The following CSMD1 variants were observed in gnomAD, a reference collection of about 807,000 sequenced individuals.
The protein encoded by CSMD1 is CUB and Sushi multiple domains 1, also known as CUB and sushi domain-containing protein 1.
CSMD1 carries 213 observed loss-of-function variants against 417.5 expected under a neutral mutation model. That is an observed-to-expected ratio of 0.51 (90% CI 0.46 to 0.57). CSMD1 has a LOEUF of 0.57. Among genes scored for constraint, CSMD1 ranks in the 20% least tolerant of loss-of-function variants. The pLI is 0.00. For missense variants in CSMD1, 6,923 were observed against 4,529.7 expected (o/e 1.53, Z -15.17); for synonymous variants, 2,862 against 1,736.8 (o/e 1.65, Z -16.11).
intron 3 of CSMD1, among the ~76,000 whole-genome samples, chr8:4,399,975 G>C (rs952360120): frequency 6.6e-6 from 1 of 152,132 alleles, no homozygotes; most frequent in East Asian, 1.9e-4. Context: ...ATTAGCACCA[G>C]GTTGATAAGC....
chr8:4,411,005 T>TAC (rs1796623519), intron 3 of CSMD1, among the ~76,000 whole-genome samples: 2 of 152,174 alleles, frequency 1.3e-5, no homozygotes, highest in Non-Finnish European at 2.9e-5. Flanking sequence ...CCCTGTGTCT[T>TAC]ACCTCTTTTG....
intron 3 of CSMD1, among the ~76,000 whole-genome samples, chr8:4,416,448 T>A (rs182371135): frequency 3.9e-5 from 6 of 152,092 alleles, no homozygotes; most frequent in African/African-American, 1.4e-4. Flanking sequence ...ACATTTGAAA[T>A]TATATTCATA....
At chr8:3,510,931 G>A (rs1208968222) in intron 10 of CSMD1, among the ~76,000 whole-genome samples, 2 of 151,668 alleles carry the variant, frequency 1.3e-5, no homozygotes, top group South Asian at 2.1e-4. Context: ...ACATGCACAC[G>A]TATGTTTACT....
intron 1 of CSMD1, among the ~76,000 whole-genome samples, chr8:4,780,952 C>A (rs1456927796): frequency 1.3e-5 from 2 of 152,198 alleles, no homozygotes; most frequent in South Asian, 2.1e-4. Flanking sequence ...AAGGCTCAAG[C>A]AATGACCTGT....
chr8:4,939,592 G>C (rs1414066093), intron 1 of CSMD1, among the ~76,000 whole-genome samples: 4 of 150,370 alleles, frequency 2.7e-5, no homozygotes, highest in African/African-American at 4.9e-5. Context: ...ATCTAAAATA[G>C]TTGAACTCAA....
intron 2 of CSMD1, among the ~76,000 whole-genome samples, chr8:4,499,404 T>C (rs946233061): frequency 6.6e-6 from 1 of 152,194 alleles, no homozygotes; most frequent in South Asian, 2.1e-4. Context: ...AGGTTCTTAT[T>C]ACTTTATTGA....
At chr8:4,402,610 T>C (rs1804717078) in intron 3 of CSMD1, among the ~76,000 whole-genome samples, 1 of 152,070 alleles carries the variant, frequency 6.6e-6, no homozygotes, top group Non-Finnish European at 1.5e-5. Context: ...ACATTACTGC[T>C]CCCCATTCTT....
chr8:4,197,577 G>A (rs1011409783), intron 3 of CSMD1, among the ~76,000 whole-genome samples: 4 of 152,206 alleles, frequency 2.6e-5, no homozygotes, highest in South Asian at 2.1e-4. Context: ...GAGAGCCCTG[G>A]CTAATAAAAA....
chr8:4,208,428 T>C (rs1355728864), intron 3 of CSMD1, among the ~76,000 whole-genome samples: 2 of 152,216 alleles, frequency 1.3e-5, no homozygotes, highest in Admixed American at 6.5e-5. Context: ...AACTCTATTA[T>C]GGTTTTTCAA....
At position 4,969,670 on chromosome 8, in the gene CSMD1, G is replaced by A. The variant is rs146455346; in HGVS notation, c.85+24662C>T. Among the ~76,000 whole-genome samples, 139 of 152,162 alleles carry A rather than the reference G, an allele frequency of 9.1e-4. No individual in the cohort carries two copies. The Middle Eastern group carries it at 0.024, about 26-fold the overall frequency. On this transcript the variant is annotated intron_variant, in intron 1 of 69. Coordinates refer to ENST00000635120, the MANE Select transcript of CSMD1 (RefSeq NM_033225.6). Reference sequence around the variant, plus strand: ...ATTTTGAGCCCATTGATTTCGAGGTGTGTCAATATTTTGGGGACTTGGAGG... The same window carrying A: ...ATTTTGAGCCCATTGATTTCGAGGTATGTCAATATTTTGGGGACTTGGAGG...
chr8:3,950,648 T>C (rs971380734), intron 5 of CSMD1, among the ~76,000 whole-genome samples: 2 of 152,184 alleles, frequency 1.3e-5, no homozygotes, highest in African/African-American at 2.4e-5. Flanking sequence ...TTCTTCATGA[T>C]GGTTAAAAAG....
At chr8:4,886,175 A>C (rs1011179187) in intron 1 of CSMD1, among the ~76,000 whole-genome samples, 2 of 151,690 alleles carry the variant, frequency 1.3e-5, no homozygotes, top group African/African-American at 4.9e-5. Flanking sequence ...ATTTTTAGTA[A>C]AGATCAGGTT....
intron 31 of CSMD1, among the ~76,000 whole-genome samples, chr8:3,205,113 A>G (rs973591869): frequency 3.3e-5 from 5 of 152,190 alleles, no homozygotes; most frequent in Non-Finnish European, 7.3e-5. Flanking sequence ...CTGGTTACTG[A>G]GTTCACTGAA....
rs187672741 is a variant in CSMD1 at position 3,536,001 on chromosome 8, T to A, written c.1344+38944A>T. 1.1e-3 allele frequency among the ~76,000 whole-genome samples: 163 copies of A among 152,220 alleles called. 1 individual carries two copies. The highest frequency in any genetic ancestry group is 3.7e-3 in the African/African-American group (155 of 41,534). ...TCCAGGGAGGGACTCTCCCAGCAAC[T>A]TGAAACAAAAAGTGACCTCCTCAAG... On this transcript the variant is annotated intron_variant, in intron 10 of 69. Transcript: ENST00000635120.
At chr8:4,806,835 G>A (rs1387776268) in intron 1 of CSMD1, among the ~76,000 whole-genome samples, 1 of 152,132 alleles carries the variant, frequency 6.6e-6, no homozygotes, top group Non-Finnish European at 1.5e-5. Flanking sequence ...AGTAAAAGAT[G>A]AAGGTGTCAT....
At chr8:3,576,991 T>G (rs1298076978) in intron 9 of CSMD1, among the ~76,000 whole-genome samples, 1 of 152,256 alleles carries the variant, frequency 6.6e-6, no homozygotes, top group Non-Finnish European at 1.5e-5. Context: ...GTAACCATAT[T>G]GGCATTGTCG....
At chr8:4,599,526 T>G (rs184179921) in intron 2 of CSMD1, among the ~76,000 whole-genome samples, 90 of 151,904 alleles carry the variant, frequency 5.9e-4, no homozygotes, top group Middle Eastern at 3.4e-3. Flanking sequence ...TTTTTTACAC[T>G]AAGTGCACAA....
intron 7 of CSMD1, among the ~76,000 whole-genome samples, chr8:3,652,664 C>G (rs960486765): frequency 6.6e-6 from 1 of 152,156 alleles, no homozygotes; most frequent in African/African-American, 2.4e-5. Flanking sequence ...GACTTATTCA[C>G]TACCATAGGA....
chr8:3,920,798 A>T (rs1730427916), intron 5 of CSMD1, among the ~76,000 whole-genome samples: 1 of 152,152 alleles, frequency 6.6e-6, no homozygotes, highest in Admixed American at 6.6e-5. Flanking sequence ...ATGTTAAAAC[A>T]ACCTTGCATC....
Sources: allele counts gnomAD v4.1 joint callset (sites outside exome capture counted in the v4.1 genomes callset), GRCh38; gene constraint gnomAD v4.1.1; transcripts MANE v1.5; gene names NCBI Gene and HGNC (gene_info 2026-07-23, HGNC 2026-07-21).